SSH1: variants seen among roughly 807,000 people sequenced by gnomAD.
SSH1 encodes slingshot protein phosphatase 1.
A neutral mutation model predicts 79.7 loss-of-function variants in SSH1; 43 were observed. That is an observed-to-expected ratio of 0.54 (90% CI 0.42 to 0.70). SSH1 has a LOEUF of 0.70. Among genes scored for constraint, SSH1 ranks in the 30% least tolerant of loss-of-function variants. The pLI, the probability that SSH1 is intolerant of heterozygous loss-of-function variation, is 0.00. For synonymous variants in SSH1, 599 were observed against 538.3 expected (o/e 1.11, Z -1.56); for missense variants, 1,206 against 1,358.8 (o/e 0.89, Z 1.77).
chr12:108,818,416 G>T, intron 3 of SSH1, 103 bp from the exon 4 acceptor site: 1 of 1,036,724 alleles, frequency 9.6e-7, no homozygotes, highest in Non-Finnish European at 1.5e-6. Flanking sequence ...AGATTGAGAA[G>T]TTAAAATTTG....
intron 13 of SSH1, among the ~76,000 whole-genome samples, chr12:108,794,047 G>A (rs1232286569): frequency 6.6e-6 from 1 of 152,234 alleles, no homozygotes; most frequent in Non-Finnish European, 1.5e-5. Context: ...GACCTGTCCA[G>A]CCCTTCCGAC....
At chr12:108,840,757 G>A (rs1401124301) in intron 2 of SSH1, among the ~76,000 whole-genome samples, 1 of 152,064 alleles carries the variant, frequency 6.6e-6, no homozygotes, top group Non-Finnish European at 1.5e-5. Context: ...CTTTCTAAAC[G>A]GACGCTGCTT....
In SSH1 at chr12:108,799,204, CA is replaced by C. The variant is rs1405981385; in HGVS notation, c.1149-5del. On this transcript the variant is annotated splice_region_variant and splice_polypyrimidine_tract_variant and intron_variant, in intron 12 of 14. Coordinates refer to ENST00000326495, the MANE Select transcript of SSH1 (RefSeq NM_018984.4). The stretch of plus-strand genomic sequence containing the variant: ...CAGGCACTTGGAATGGTTCCTCCTG[CA>C]GGGGTGGGAGCAGTTGGGGAGGAGA... 3 of 1,610,866 alleles carry C rather than the reference CA, an allele frequency of 1.9e-6. No individual in the cohort carries two copies. The South Asian group carries it at 3.3e-5, about 18-fold the overall frequency.
chr12:108,811,564 G>A (rs12308328), intron 5 of SSH1: 31,799 of 563,772 alleles, frequency 0.056, 1,871 homozygotes, highest in African/African-American at 0.22. Context: ...CTGACCGCAC[G>A]CCCACTCTAC....
At position 108,804,791 on chromosome 12, in the gene SSH1, G is replaced by T. The variant is rs576953391; in HGVS notation, c.954+265C>A. Reference sequence around the variant, plus strand: ...GGGTTTGCAAGAGTCTGAAACACATGCCAGTTGACTACGCCAAATAGCTCC... The same window carrying T: ...GGGTTTGCAAGAGTCTGAAACACATTCCAGTTGACTACGCCAAATAGCTCC... On this transcript the variant is annotated intron_variant, in intron 10 of 14. Transcript: ENST00000326495. 2.4e-4 allele frequency among the ~76,000 whole-genome samples: 37 copies of T among 152,292 alleles called. No individual in the cohort carries two copies. The East Asian group carries it at 6.5e-3, about 27-fold the overall frequency.
intron 2 of SSH1, among the ~76,000 whole-genome samples, chr12:108,842,115 C>A (rs888993415): frequency 2.6e-5 from 4 of 151,634 alleles, no homozygotes; most frequent in African/African-American, 9.7e-5. Context: ...GGCAACAGAG[C>A]AAGACTCTGT....
intron 2 of SSH1, chr12:108,833,680 T>C (rs2038528677): frequency 6.6e-6 from 1 of 152,234 alleles, no homozygotes; most frequent in African/African-American, 2.4e-5. Flanking sequence ...AGGCCAGGGC[T>C]GTTGTATTCT....
intron 2 of SSH1, among the ~76,000 whole-genome samples, chr12:108,829,198 C>T (rs1005271953): frequency 2.6e-5 from 4 of 152,060 alleles, no homozygotes; most frequent in Non-Finnish European, 2.9e-5. Flanking sequence ...TGTGGTGGTG[C>T]ATGCCTGTAA....
At chr12:108,816,909 G>T in intron 5 of SSH1, 129 bp downstream of exon 5, 1 of 1,426,776 alleles carries the variant, frequency 7.0e-7, no homozygotes, top group Non-Finnish European at 9.8e-7. Context: ...CCAGTGGCTC[G>T]ACTCCCCAGG....
At chr12:108,845,202 A>G (rs1031675445) in intron 2 of SSH1, among the ~76,000 whole-genome samples, 3 of 151,254 alleles carry the variant, frequency 2.0e-5, no homozygotes, top group African/African-American at 7.3e-5. Flanking sequence ...GAGCAGAAAA[A>G]AAAAAAAAAA....
At chr12:108,814,566 G>A (rs2037793711) in intron 5 of SSH1, among the ~76,000 whole-genome samples, 1 of 152,112 alleles carries the variant, frequency 6.6e-6, no homozygotes, top group African/African-American at 2.4e-5. Flanking sequence ...GGCACAGAAG[G>A]CAGCTGTGTC....
In SSH1 at chr12:108,799,086, G is replaced by C; in HGVS notation, c.1263C>G (p.Asn421Lys). The stretch of plus-strand genomic sequence containing the variant: ...TGATGCTGCGCTTCTGCTTTACATA[G>C]TTATATGCTTTTTCCAGAGGCCAGC... ...EFGWPLEKAY[N>K]YVKQKRSITR... Residue 421 changes from asparagine (N) to lysine (K), a missense_variant, in exon 13 of 15, where the codon AAC (asparagine) becomes AAG (lysine). This residue lies in a region of SSH1 where 166 missense variants were observed against 262.9 expected (regional missense o/e 0.63). Coordinates refer to ENST00000326495, the MANE Select transcript of SSH1 (RefSeq NM_018984.4). 6.2e-7 allele frequency: 1 copy of C among 1,614,184 alleles called. No homozygotes were observed. Among genetic ancestry groups the C allele is most frequent in the African/African-American group, 1.3e-5 (1 of 75,066 alleles).
At chr12:108,801,711 C>T (rs866035252) in intron 11 of SSH1, among the ~76,000 whole-genome samples, 7 of 144,256 alleles carry the variant, frequency 4.9e-5, no homozygotes, top group African/African-American at 1.3e-4. Context: ...GCCCACAGAA[C>T]GGTGATTTTG....
rs749631920 is a variant in SSH1 at position 108,792,372 on chromosome 12, G to T, written c.1807C>A (p.Gln603Lys). Residue 603 changes from glutamine to lysine, a missense_variant, in exon 14 of 15, where the codon CAG (glutamine) becomes AAG (lysine). Transcript: ENST00000326495. ...EEGLGAGRWG[Q>K]LPTQLDQNLL... ...TTTTGATCGAGCTGGGTTGGAAGCT[G>T]CCCCCACCTCCCTGCTCCCAGGCCC... 3 of 1,614,178 alleles carry T rather than the reference G, an allele frequency of 1.9e-6. No homozygotes were observed. Among genetic ancestry groups the T allele is most frequent in the Non-Finnish European group, 2.5e-6 (3 of 1,180,028 alleles).
intron 13 of SSH1, among the ~76,000 whole-genome samples, chr12:108,794,517 A>C (rs1057104199): frequency 6.6e-6 from 1 of 152,210 alleles, no homozygotes; most frequent in Non-Finnish European, 1.5e-5. Context: ...AGAAATTTTT[A>C]GGATGGGAGT....
chr12:108,786,493 T>A lies in SSH1; in HGVS notation c.*1495A>T, dbSNP rs2036277986. The A allele has an allele frequency of 6.6e-6, 1 of 152,240 alleles. No individual in the cohort carries two copies. Among genetic ancestry groups the A allele is most frequent in the African/African-American group, 2.4e-5 (1 of 41,458 alleles). The allele number at this position is 152,240 out of a possible 1,614,324, so 9.4% of individuals were successfully genotyped here. A position where few individuals can be genotyped will look rare whatever the true frequency, so the allele number is the denominator to read the frequency against. On this transcript the variant is annotated 3_prime_UTR_variant, in exon 15 of 15. Transcript: ENST00000326495. The stretch of plus-strand genomic sequence containing the variant: ...AATCAAACCAGGGGTCAGCAACTTT[T>A]TCTACAAAGGGCCTGACAGTAAGTA...
chr12:108,809,754 A>C lies in SSH1; in HGVS notation c.475T>G (p.Phe159Val), dbSNP rs1269382876. ...TKIHLDGDGG[F>V]SVSTAGRMHI... Reference sequence around the variant, plus strand: ...ATCCTTCCTGCTGTGCTCACGCTGAACCCACTGAGAATAAAACACAGAGAG... The same window carrying C: ...ATCCTTCCTGCTGTGCTCACGCTGACCCCACTGAGAATAAAACACAGAGAG... Residue 159 changes from phenylalanine (F) to valine (V), a missense_variant, in exon 7 of 15, where the codon TTC becomes GTC. By Grantham distance (50) the Phe-to-Val change is conservative. Transcript: ENST00000326495. 3.1e-6 allele frequency: 5 copies of C among 1,613,682 alleles called. No homozygotes were observed. Among genetic ancestry groups the C allele is most frequent in the Non-Finnish European group, 4.2e-6 (5 of 1,179,742 alleles).
intron 13 of SSH1, 89 bp downstream of exon 13, chr12:108,798,911 T>C (rs1352540474): frequency 5.4e-6 from 8 of 1,476,838 alleles, no homozygotes; most frequent in Admixed American, 1.7e-5. Flanking sequence ...AATGGGAGCA[T>C]GCTCTGCTGC....
intron 2 of SSH1, among the ~76,000 whole-genome samples, chr12:108,847,397 C>T (rs1355693222): frequency 1.3e-5 from 2 of 152,232 alleles, no homozygotes; most frequent in Admixed American, 6.5e-5. Flanking sequence ...CTACACCTGG[C>T]TGTTTCTCCT....
Sources: gnomAD v4.1 joint callset for allele counts (sites outside exome capture counted in the v4.1 genomes callset) on GRCh38, gnomAD v4.1.1 for gene constraint, gnomAD v4.1.1 regional missense constraint, MANE v1.5 for transcripts, NCBI Gene and HGNC (gene_info 2026-07-23, HGNC 2026-07-21) for gene names.